Variants in HDAC11 observed in about 807,000 individuals in gnomAD.
HDAC11 encodes histone deacetylase 11.
In HDAC11, 23 loss-of-function variants were observed where a neutral mutation model predicts 41.1. The ratio of observed to expected loss-of-function variants is 0.56; its 90% CI spans 0.40 to 0.79. The LOEUF (loss-of-function observed/expected upper bound fraction) is 0.79. Among genes scored for constraint, HDAC11 ranks in the 30% least tolerant of loss-of-function variants. The pLI is 0.00. For synonymous variants in HDAC11, 187 were observed against 186.6 expected, an observed-to-expected ratio of 1.00 and a Z score of -0.02; for missense variants, 402 against 477.3, an observed-to-expected ratio of 0.84 and a Z score of 1.47.
chr3:13,501,753 G>A, intron 6 of HDAC11, 118 bp from the exon 7 acceptor site: 1 of 869,462 alleles, frequency 1.2e-6, no homozygotes, highest in Non-Finnish European at 2.0e-6. Flanking sequence ...TGGGTGGCCT[G>A]ATTACCCACA....
intron 3 of HDAC11, among the ~76,000 whole-genome samples, chr3:13,494,155 C>T (rs532297755): frequency 2.3e-3 from 351 of 152,344 alleles, no homozygotes; most frequent in African/African-American, 7.9e-3. Context: ...GTGGAGCACA[C>T]GAGAGAATGC....
intron 5 of HDAC11, among the ~76,000 whole-genome samples, chr3:13,499,315 A>G (rs1702247767): frequency 6.6e-6 from 1 of 152,184 alleles, no homozygotes; most frequent in Non-Finnish European, 1.5e-5. Flanking sequence ...GATTACAGGC[A>G]TGCACCACCA....
intron 4 of HDAC11, among the ~76,000 whole-genome samples, chr3:13,498,206 G>T (rs1702191058): frequency 6.6e-6 from 1 of 152,186 alleles, no homozygotes; most frequent in African/African-American, 2.4e-5. Flanking sequence ...CCCTTTGAAA[G>T]CCATATCAAA....
At chr3:13,486,110 C>A (rs567064083) in intron 3 of HDAC11, among the ~76,000 whole-genome samples, 2 of 151,694 alleles carry the variant, frequency 1.3e-5, no homozygotes, top group South Asian at 4.2e-4. Context: ...TCTACTAAAA[C>A]TACAAAATTA....
At chr3:13,482,264 A>G (rs1382748501) in intron 2 of HDAC11, among the ~76,000 whole-genome samples, 1 of 152,250 alleles carries the variant, frequency 6.6e-6, no homozygotes, top group African/African-American at 2.4e-5. Flanking sequence ...AACTTGTTTT[A>G]AAAGGAAACA....
In HDAC11 at chr3:13,498,529, T is replaced by C. The variant is rs552771143; in HGVS notation, c.386T>C (p.Val129Ala). The C allele has an allele frequency of 1.3e-5, 21 of 1,613,354 alleles. No homozygotes were observed. Among genetic ancestry groups the C allele is most frequent in the Non-Finnish European group, 1.6e-5 (19 of 1,179,856 alleles). Residue 129 changes from valine (V) to alanine (A), a missense_variant, in exon 5 of 10, where the codon GTG becomes GCG. Transcript: ENST00000295757. Reference sequence around the variant, plus strand: ...TCTCCAAAGGCGGGGAAGCTGGCTGTGGAGCGAGGCTGGGCCATCAACGTG... The same window carrying C: ...TCTCCAAAGGCGGGGAAGCTGGCTGCGGAGCGAGGCTGGGCCATCAACGTG... ...GGTIMAGKLAVERGWAINVGG... is the reference protein window; with the variant it reads ...GGTIMAGKLAAERGWAINVGG...
intron 3 of HDAC11, among the ~76,000 whole-genome samples, chr3:13,485,199 G>A (rs992248317): frequency 2.6e-5 from 4 of 152,240 alleles, no homozygotes; most frequent in East Asian, 3.8e-4. Context: ...CTCCCCAACC[G>A]CAGCCTGAGG....
chr3:13,485,291 A>G (rs1431968655), intron 3 of HDAC11, among the ~76,000 whole-genome samples: 2 of 152,182 alleles, frequency 1.3e-5, no homozygotes, highest in Non-Finnish European at 2.9e-5. Context: ...CTCCTGGGAG[A>G]GAGAGGGGTG....
chr3:13,499,514 C>G (rs1271254875), intron 5 of HDAC11, among the ~76,000 whole-genome samples: 1 of 152,176 alleles, frequency 6.6e-6, no homozygotes, highest in Non-Finnish European at 1.5e-5. Flanking sequence ...AATTGTCAGG[C>G]CTGTCTCACT....
At chr3:13,495,236 C>T (rs1702043731) in intron 3 of HDAC11, among the ~76,000 whole-genome samples, 1 of 152,166 alleles carries the variant, frequency 6.6e-6, no homozygotes, top group Non-Finnish European at 1.5e-5. Flanking sequence ...GGGGTTCTCT[C>T]TCTGGGCCTT....
In HDAC11 at chr3:13,502,644, T is replaced by C. The variant is rs748819487; in HGVS notation, c.553-240T>C. 1 of 442,756 alleles carries C rather than the reference T, an allele frequency of 2.3e-6. No individual in the cohort carries two copies. Among genetic ancestry groups the C allele is most frequent in the Non-Finnish European group, 4.1e-6 (1 of 242,336 alleles). The allele number at this position is 442,756 out of a possible 1,614,324, so 27.4% of individuals were successfully genotyped here. A position where few individuals can be genotyped will look rare whatever the true frequency, so the allele number is the denominator to read the frequency against. On this transcript the variant is annotated intron_variant, in intron 7 of 9. Transcript: ENST00000295757. This position sits in a 1 kb window ranked among gnomAD's most constrained non-coding sequence, Gnocchi z 4.1. ...TGAGAGGGTGGCAGAGCGGGATTTC[T>C]TCCTCTGATAGGGAACCTAAGAGCA...
intron 3 of HDAC11, among the ~76,000 whole-genome samples, chr3:13,490,079 C>T (rs917506889): frequency 5.3e-5 from 8 of 152,036 alleles, no homozygotes; most frequent in Non-Finnish European, 7.4e-5. Flanking sequence ...CTGCAACCTC[C>T]GCCTTCTGGT....
intron 3 of HDAC11, among the ~76,000 whole-genome samples, chr3:13,494,393 C>T (rs938351816): frequency 2.6e-5 from 4 of 152,238 alleles, no homozygotes; most frequent in Non-Finnish European, 4.4e-5. Context: ...CTGATGACCT[C>T]AGGCAGGGAC....
rs1014887763 is a variant in HDAC11 at position 13,502,265 on chromosome 3, C to T, written c.552+332C>T. 2.3e-5 allele frequency: 7 copies of T among 305,474 alleles called. No homozygotes were observed. Among genetic ancestry groups the T allele is most frequent in the Non-Finnish European group, 3.7e-5 (6 of 163,834 alleles). The allele number at this position is 305,474 out of a possible 1,614,324, so 18.9% of individuals were successfully genotyped here. ...ATAATTTGGGGCACTGCCCCCTGCCCAGAGCTGCTGAGCACTGGCCACCTG... is the reference window on the plus strand; with the variant it reads ...ATAATTTGGGGCACTGCCCCCTGCCTAGAGCTGCTGAGCACTGGCCACCTG... On this transcript the variant is annotated intron_variant, in intron 7 of 9. Coordinates refer to ENST00000295757, the MANE Select transcript of HDAC11 (RefSeq NM_024827.4). This position sits in a 1 kb window ranked among gnomAD's most constrained non-coding sequence, Gnocchi z 4.1.
intron 3 of HDAC11, among the ~76,000 whole-genome samples, chr3:13,488,792 C>T (rs1701714088): frequency 6.6e-6 from 1 of 152,164 alleles, no homozygotes; most frequent in Non-Finnish European, 1.5e-5. Flanking sequence ...TACTGGGTCA[C>T]ATGGTAATTC....
intron 3 of HDAC11, among the ~76,000 whole-genome samples, chr3:13,496,270 C>T (rs374007682): frequency 6.6e-6 from 1 of 152,222 alleles, no homozygotes; most frequent in Admixed American, 6.5e-5. Flanking sequence ...TGCGAGGGAG[C>T]CAGAGGCCAG....
chr3:13,491,280 TG>T (rs1367805642), intron 3 of HDAC11, among the ~76,000 whole-genome samples: 16 of 152,142 alleles, frequency 1.1e-4, no homozygotes, highest in Non-Finnish European at 1.8e-4. Context: ...GTCTTGTTCC[TG>T]ATCTTAGACA....
chr3:13,495,502 CTAA>C (rs1205883701), intron 3 of HDAC11, among the ~76,000 whole-genome samples: 1 of 152,188 alleles, frequency 6.6e-6, no homozygotes, highest in Non-Finnish European at 1.5e-5. Flanking sequence ...ATGCTGCCTG[CTAA>C]TACCTGCTCC....
chr3:13,496,082 C>T (rs927387958), intron 3 of HDAC11, among the ~76,000 whole-genome samples: 1 of 152,214 alleles, frequency 6.6e-6, no homozygotes, highest in African/African-American at 2.4e-5. Flanking sequence ...GCTGGGCAGC[C>T]AGTGCCATGG....
Sources: gnomAD v4.1 joint callset for allele counts (sites outside exome capture counted in the v4.1 genomes callset) on GRCh38, gnomAD v4.1.1 for gene constraint, Gnocchi (gnomAD v3.1) non-coding constraint, MANE v1.5 for transcripts, NCBI Gene and HGNC (gene_info 2026-07-23, HGNC 2026-07-21) for gene names.